KCNQ5: variants seen among roughly 807,000 people sequenced by gnomAD.
The protein encoded by KCNQ5 is potassium voltage-gated channel subfamily Q member 5, also known as potassium voltage-gated channel subfamily KQT member 5.
In KCNQ5, 30 loss-of-function variants were observed where a neutral mutation model predicts 98.2. That is an observed-to-expected ratio of 0.31 (90% confidence interval 0.23 to 0.41). The LOEUF (loss-of-function observed/expected upper bound fraction) is 0.41, where lower values mean the gene tolerates loss of function less well. Ranked by LOEUF, KCNQ5 falls within the 10% of genes least tolerant of loss-of-function variation. The pLI is 1.00. For synonymous variants in KCNQ5, 458 were observed against 449.4 expected, an observed-to-expected ratio of 1.02 and a Z score of -0.24; for missense variants, 835 against 1,182.5, an observed-to-expected ratio of 0.71 and a Z score of 4.31.
intron 5 of KCNQ5, among the ~76,000 whole-genome samples, chr6:73,079,678 T>A (rs1247317248): frequency 6.6e-6 from 1 of 152,252 alleles, no homozygotes; most frequent in Non-Finnish European, 1.5e-5. Context: ...GGTTTAATAA[T>A]GTGGTTTCCG....
chr6:72,995,710 G>A (rs1361770070), intron 1 of KCNQ5, among the ~76,000 whole-genome samples: 1 of 152,100 alleles, frequency 6.6e-6, no homozygotes. Context: ...TTAGGGAGTG[G>A]GTAGTTCATG....
intron 1 of KCNQ5, among the ~76,000 whole-genome samples, chr6:72,754,776 A>T (rs1011207598): frequency 3.9e-5 from 6 of 152,084 alleles, no homozygotes; most frequent in Middle Eastern, 3.2e-3. Flanking sequence ...TATCCTTTTA[A>T]TATAGGGAAG....
At chr6:72,800,816 G>T (rs1425389770) in intron 1 of KCNQ5, among the ~76,000 whole-genome samples, 1 of 152,136 alleles carries the variant, frequency 6.6e-6, no homozygotes, top group Non-Finnish European at 1.5e-5. Context: ...AGAGATTCTG[G>T]TATGTTGTAT....
intron 1 of KCNQ5, among the ~76,000 whole-genome samples, chr6:72,780,864 G>A (rs1327789115): frequency 6.6e-6 from 1 of 152,146 alleles, no homozygotes; most frequent in African/African-American, 2.4e-5. Flanking sequence ...CACTATGTAA[G>A]TGATTTTCTT....
At chr6:73,019,001 T>C (rs950139142) in intron 2 of KCNQ5, among the ~76,000 whole-genome samples, 1 of 152,152 alleles carries the variant, frequency 6.6e-6, no homozygotes. Context: ...CAAACATAGA[T>C]GATGAACAGA....
At chr6:72,864,266 T>C (rs1225142120) in intron 1 of KCNQ5, among the ~76,000 whole-genome samples, 1 of 152,154 alleles carries the variant, frequency 6.6e-6, no homozygotes, top group African/African-American at 2.4e-5. Context: ...TCTCTACCCT[T>C]CCACTTTTCT....
intron 1 of KCNQ5, among the ~76,000 whole-genome samples, chr6:72,682,128 G>A (rs1767738929): frequency 6.6e-6 from 1 of 152,168 alleles, no homozygotes; most frequent in South Asian, 2.1e-4. Context: ...ATGCTTGGCA[G>A]TCCCATCTGT....
At chr6:72,927,567 T>A (rs575755063) in intron 1 of KCNQ5, among the ~76,000 whole-genome samples, 1 of 151,982 alleles carries the variant, frequency 6.6e-6, no homozygotes, top group African/African-American at 2.4e-5. Flanking sequence ...ATCACATCAA[T>A]CTAGAGAAAT....
At chr6:72,956,440 G>C (rs980548804) in intron 1 of KCNQ5, among the ~76,000 whole-genome samples, 6 of 150,562 alleles carry the variant, frequency 4.0e-5, no homozygotes, top group African/African-American at 1.5e-4. Context: ...CTTGAGGGCT[G>C]GGGGGAAGAT....
At chr6:72,733,270 C>T (rs1770647128) in intron 1 of KCNQ5, among the ~76,000 whole-genome samples, 1 of 152,016 alleles carries the variant, frequency 6.6e-6, no homozygotes, top group Non-Finnish European at 1.5e-5. Flanking sequence ...GAACCAAAAA[C>T]AAGGAGAAGT....
intron 1 of KCNQ5, among the ~76,000 whole-genome samples, chr6:72,632,618 C>T (rs1207019112): frequency 6.6e-6 from 1 of 152,088 alleles, no homozygotes; most frequent in African/African-American, 2.4e-5. Context: ...TATATTGTTC[C>T]CATGTTTACA....
At chr6:73,042,703 A>G (rs954780523) in intron 3 of KCNQ5, among the ~76,000 whole-genome samples, 3 of 152,148 alleles carry the variant, frequency 2.0e-5, no homozygotes. Context: ...GCACCTCCCT[A>G]GCTGCCATTG....
chr6:72,941,359 T>TCC (rs1242202246), intron 1 of KCNQ5, among the ~76,000 whole-genome samples: 5 of 41,756 alleles, frequency 1.2e-4, no homozygotes, highest in South Asian at 4.2e-3. Context: ...CTTCCTTCTT[T>TCC]TCTTCCTTCC....
chr6:73,195,225 T>C lies in KCNQ5; in HGVS notation c.2610T>C (p.Phe870=), dbSNP rs769126514. Residue 870 remains phenylalanine (F), a synonymous_variant, in exon 14 of 14, where the codon TTT becomes TTC. Coordinates refer to ENST00000370398, the MANE Select transcript of KCNQ5 (RefSeq NM_019842.4). ...FYPKWRESKL[F]ITDEEVGPEE... ...CCAAATGGAGGGAATCCAAATTGTT[T>C]ATAACTGATGAAGAGGTGGGTCCCG... is the stretch of plus-strand genomic sequence containing the variant. 37 of 1,614,168 alleles carry C rather than the reference T, an allele frequency of 2.3e-5. No homozygotes were observed. In the South Asian group the frequency reaches 4.0e-4, roughly 17 times the overall value.
At chr6:73,101,708 C>G (rs1774782386) in intron 5 of KCNQ5, among the ~76,000 whole-genome samples, 1 of 151,836 alleles carries the variant, frequency 6.6e-6, no homozygotes, top group Non-Finnish European at 1.5e-5. Flanking sequence ...TGAAAGATCT[C>G]TACAAAGAAA....
chr6:72,712,358 G>A (rs1160379635), intron 1 of KCNQ5, among the ~76,000 whole-genome samples: 1 of 152,208 alleles, frequency 6.6e-6, no homozygotes, highest in Non-Finnish European at 1.5e-5. Flanking sequence ...GAAGGAAAGA[G>A]AATATACACT....
At chr6:72,852,150 T>G (rs1484439361) in intron 1 of KCNQ5, among the ~76,000 whole-genome samples, 2 of 152,126 alleles carry the variant, frequency 1.3e-5, no homozygotes, top group African/African-American at 4.8e-5. Flanking sequence ...AATTTAAGTA[T>G]GAGTAAATGG....
intron 1 of KCNQ5, among the ~76,000 whole-genome samples, chr6:72,820,961 G>A (rs757374653): frequency 3.9e-5 from 6 of 152,188 alleles, no homozygotes; most frequent in Non-Finnish European, 7.3e-5. Flanking sequence ...CTGGGCTTCT[G>A]GAGAAAAGAA....
At chr6:72,797,067 A>G (rs1289278326) in intron 1 of KCNQ5, among the ~76,000 whole-genome samples, 1 of 152,228 alleles carries the variant, frequency 6.6e-6, no homozygotes, top group Non-Finnish European at 1.5e-5. Flanking sequence ...TCGAATTACT[A>G]TGACAAGTAT....
Sources: gnomAD v4.1 joint callset for allele counts (sites outside exome capture counted in the v4.1 genomes callset) on GRCh38, gnomAD v4.1.1 for gene constraint, MANE v1.5 for transcripts, NCBI Gene and HGNC (gene_info 2026-07-23, HGNC 2026-07-21) for gene names.